NCOA3: variants seen among roughly 807,000 people sequenced by gnomAD.
NCOA3 encodes the protein nuclear receptor coactivator 3.
NCOA3 carries 51 observed loss-of-function variants against 158.8 expected under a neutral mutation model. The ratio of observed to expected loss-of-function variants is 0.32; its 90% CI spans 0.26 to 0.41. The LOEUF is 0.41. NCOA3 is among the 10% of genes least tolerant of loss of function. NCOA3 has a pLI of 1.00. For synonymous variants in NCOA3, 537 were observed against 592.4 expected, an observed-to-expected ratio of 0.91 and a Z score of 1.36; for missense variants, 1,510 against 1,746.6, an observed-to-expected ratio of 0.86 and a Z score of 2.41.
At chr20:47,625,517 A>G (rs1265506296) in intron 5 of NCOA3, 36 bp downstream of exon 5, 21 of 1,364,456 alleles carry the variant, frequency 1.5e-5, no homozygotes, top group Non-Finnish European at 2.0e-5. Context: ...AGTAGGCTGT[A>G]TTGCCCTTTG....
intron 1 of NCOA3, among the ~76,000 whole-genome samples, chr20:47,552,066 G>A (rs975555044): frequency 1.3e-5 from 2 of 152,154 alleles, no homozygotes; most frequent in African/African-American, 2.4e-5. Context: ...GCCAAGTGCT[G>A]TCTCAAGGTC....
chr20:47,570,457 A>T (rs2085273425), intron 1 of NCOA3, among the ~76,000 whole-genome samples: 1 of 152,062 alleles, frequency 6.6e-6, no homozygotes, highest in South Asian at 2.1e-4. Context: ...GCAGGGAGCA[A>T]CTCCTCAAAC....
At chr20:47,625,342 A>G in intron 4 of NCOA3, 39 bp from the exon 5 acceptor site, 1 of 1,358,064 alleles carries the variant, frequency 7.4e-7, no homozygotes, top group Non-Finnish European at 1.1e-6. Flanking sequence ...TCTATAACTG[A>G]TAGTGTGTTA....
chr20:47,563,923 G>A lies in NCOA3; in HGVS notation c.-98-19260G>A, dbSNP rs1239156225. The stretch of plus-strand genomic sequence containing the variant: ...AAAAAAAGAAAGAAAAAAGAAAAAG[G>A]CTGAGGTGGGAGGATCACTTGAACT... On this transcript the variant is annotated intron_variant, in intron 1 of 22. Transcript: ENST00000371998. 3.3e-5 allele frequency among the ~76,000 whole-genome samples: 5 copies of A among 151,092 alleles called. No homozygotes were observed. The East Asian group carries it at 9.6e-4, about 29-fold the overall frequency.
intron 1 of NCOA3, among the ~76,000 whole-genome samples, chr20:47,578,539 C>G (rs2085406445): frequency 1.3e-5 from 2 of 152,210 alleles, no homozygotes; most frequent in Admixed American, 1.3e-4. Context: ...ATTTGGTCTT[C>G]TCCTTTCATT....
intron 2 of NCOA3, among the ~76,000 whole-genome samples, chr20:47,612,229 G>A (rs2086056447): frequency 6.6e-6 from 1 of 151,986 alleles, no homozygotes; most frequent in Admixed American, 6.6e-5. Flanking sequence ...AAGGAGAACT[G>A]GAGTTTGAAA....
intron 3 of NCOA3, 113 bp from the exon 4 acceptor site, chr20:47,623,798 A>G: frequency 9.2e-7 from 1 of 1,084,184 alleles, no homozygotes; most frequent in Non-Finnish European, 1.3e-6. Context: ...TCGAGGAAAA[A>G]AAAAAAAAAG....
At chr20:47,551,216 AC>A (rs2146155437) in intron 1 of NCOA3, among the ~76,000 whole-genome samples, 1 of 152,314 alleles carries the variant, frequency 6.6e-6, no homozygotes, top group South Asian at 2.1e-4. Flanking sequence ...CTTGGAAGTG[AC>A]TACTTCGTAA....
intron 8 of NCOA3, 41 bp downstream of exon 8, chr20:47,628,064 C>A (rs774632775): frequency 1.4e-6 from 2 of 1,435,754 alleles, no homozygotes; most frequent in South Asian, 1.2e-5. Context: ...TCTGTGTATA[C>A]GTACATTTTT....
At chr20:47,573,021 A>G (rs2146204881) in intron 1 of NCOA3, among the ~76,000 whole-genome samples, 1 of 152,320 alleles carries the variant, frequency 6.6e-6, no homozygotes, top group South Asian at 2.1e-4. Flanking sequence ...GAGAATATAC[A>G]CAGCATTTAC....
chr20:47,561,487 T>G (rs1896286884), intron 1 of NCOA3, among the ~76,000 whole-genome samples: 1 of 151,746 alleles, frequency 6.6e-6, no homozygotes, highest in African/African-American at 2.4e-5. Context: ...CTTTTTCTTT[T>G]TTTTTTTATT....
chr20:47,633,058 C>T (rs182699006), intron 8 of NCOA3, among the ~76,000 whole-genome samples: 1 of 152,258 alleles, frequency 6.6e-6, no homozygotes, highest in Admixed American at 6.5e-5. Flanking sequence ...GTAGATGGAA[C>T]TACTAACAGA....
chr20:47,589,413 T>A (rs572045243), intron 2 of NCOA3, among the ~76,000 whole-genome samples: 120 of 152,266 alleles, frequency 7.9e-4, no homozygotes, highest in African/African-American at 2.8e-3. Flanking sequence ...TCTCGCTCTG[T>A]CACTCAGGCT....
intron 1 of NCOA3, among the ~76,000 whole-genome samples, chr20:47,522,609 G>A (rs2084361145): frequency 6.6e-6 from 1 of 151,990 alleles, no homozygotes; most frequent in African/African-American, 2.4e-5. Context: ...TAGGGCTCGG[G>A]ATTGGTTTGA....
intron 17 of NCOA3, among the ~76,000 whole-genome samples, chr20:47,644,225 C>T (rs2086654144): frequency 6.6e-6 from 1 of 151,906 alleles, no homozygotes; most frequent in African/African-American, 2.4e-5. Context: ...CTGCAAGCTC[C>T]ACCTCCTGGG....
In NCOA3 at chr20:47,651,088, AGCAACAG is replaced by A. The variant is rs756784939; in HGVS notation, c.3759_3765del (p.Gln1253HisfsTer32). Reference sequence around the variant, plus strand: ...ATGATGATGCAGCAGCAGCAGCAGCAGCAACAGCAGCAGCAGCAGCAGCAGCAGCAGC... The same window carrying A: ...ATGATGATGCAGCAGCAGCAGCAGCACAGCAGCAGCAGCAGCAGCAGCAGC... On this transcript the variant is annotated frameshift_variant, in exon 20 of 23. Coordinates refer to ENST00000371998, the MANE Select transcript of NCOA3 (RefSeq NM_181659.3). LOFTEE classifies it high-confidence loss of function. 1.4e-6 allele frequency: 2 copies of A among 1,397,330 alleles called. No individual in the cohort carries two copies. The highest frequency in any genetic ancestry group is 2.0e-6 in the Non-Finnish European group (2 of 1,010,398). 86.6% of individuals were successfully genotyped at this position (1,397,330 alleles called of 1,614,324 possible).
At position 47,622,299 on chromosome 20, in the gene NCOA3, C is replaced by T. The variant is rs1013161408; in HGVS notation, c.52C>T (p.Arg18Cys). 27 of 1,606,216 alleles carry T rather than the reference C, an allele frequency of 1.7e-5. No individual in the cohort carries two copies. The highest frequency in any genetic ancestry group is 2.2e-5 in the Non-Finnish European group (26 of 1,176,796). ...TCCACTGGCCAGTGATTCACGAAAA[C>T]GCAAATTGCCATGTGATACTCCAGG... The part of the protein sequence containing the change: ...LDPLASDSRK[R>C]KLPCDTPGQG... The change falls in exon 3 of 23, where the codon CGC (arginine) becomes TGC (cysteine). Residue 18 changes from arginine (R) to cysteine (C), a missense_variant. Arg to Cys is a radical substitution (Grantham distance 180). Coordinates refer to ENST00000371998, the MANE Select transcript of NCOA3 (RefSeq NM_181659.3).
chr20:47,516,718 C>A (rs1296619530), intron 1 of NCOA3, among the ~76,000 whole-genome samples: 1 of 150,938 alleles, frequency 6.6e-6, no homozygotes. Context: ...GTCAGGAGTT[C>A]AAGACTAGCC....
At position 47,641,438 on chromosome 20, in the gene NCOA3, A is replaced by G. The variant is rs190247081; in HGVS notation, c.3081-775A>G. Among the ~76,000 whole-genome samples, 598 of 116,396 alleles carry G rather than the reference A, an allele frequency of 5.1e-3. 6 individuals are homozygous for G. Among genetic ancestry groups the G allele is most frequent in the African/African-American group, 0.018 (522 of 29,058 alleles). The allele number at this position is 116,396 out of a possible 152,430, so 76.4% of individuals were successfully genotyped here. On this transcript the variant is annotated intron_variant, in intron 16 of 22. Transcript: ENST00000371998. ...GGGCTCAAGCAATCTGCCCACCTCT[A>G]CCTCCCAAAGTTCTGGGATTACAGG...
Sources: gnomAD v4.1 joint callset for allele counts (sites outside exome capture counted in the v4.1 genomes callset) on GRCh38, gnomAD v4.1.1 for gene constraint, MANE v1.5 for transcripts, NCBI Gene and HGNC (gene_info 2026-07-23, HGNC 2026-07-21) for gene names.